Variants in CIRSR observed in about 807,000 individuals in gnomAD.
CIRSR encodes the protein corepressor of RBPJ and splicing regulator.
chr2:174,371,120 C>T, the CIRSR span, among the ~76,000 whole-genome samples: 1 of 152,022 alleles, frequency 6.6e-6, no homozygotes, highest in Non-Finnish European at 1.5e-5. Flanking sequence ...AGGTGGTTGC[C>T]TGAGGCTGGG....
At chr2:174,394,116 A>T in the CIRSR span, among the ~76,000 whole-genome samples, 1 of 152,220 alleles carries the variant, frequency 6.6e-6, no homozygotes, top group African/African-American at 2.4e-5. Flanking sequence ...AATTTCTCAT[A>T]GCGGACTTGC....
chr2:174,369,986 C>A, the CIRSR span: 2 of 1,365,190 alleles, frequency 1.5e-6, no homozygotes, highest in Non-Finnish European at 9.8e-7. Context: ...CACAGGCTTA[C>A]CAGAAACCTT....
the CIRSR span, among the ~76,000 whole-genome samples, chr2:174,379,288 A>G: frequency 6.6e-6 from 1 of 152,242 alleles, no homozygotes. Flanking sequence ...TGTCATCCAA[A>G]AAGAAATGGT....
chr2:174,380,464 A>T, the CIRSR span, among the ~76,000 whole-genome samples: 1 of 152,196 alleles, frequency 6.6e-6, no homozygotes, highest in South Asian at 2.1e-4. Flanking sequence ...AAAAAATGAA[A>T]AAGTATATAA....
chr2:174,380,703 C>T, the CIRSR span: 10 of 1,612,384 alleles, frequency 6.2e-6, no homozygotes, highest in Non-Finnish European at 8.5e-6. Flanking sequence ...GTCTCTCCTT[C>T]TGTTTCTTCT....
chr2:174,348,874 G>A, the CIRSR span: 1 of 1,614,190 alleles, frequency 6.2e-7, no homozygotes. Context: ...CGGTTATGGT[G>A]ACTGCTAGAA....
the CIRSR span, chr2:174,350,846 AC>A: frequency 1.2e-6 from 1 of 808,426 alleles, no homozygotes; most frequent in East Asian, 2.8e-5. Context: ...TCAGGGACAC[AC>A]TGTAGATGAA....
the CIRSR span, among the ~76,000 whole-genome samples, chr2:174,379,913 C>T: frequency 8.6e-5 from 13 of 151,878 alleles, no homozygotes; most frequent in African/African-American, 3.1e-4. Flanking sequence ...TTAGTAGAGA[C>T]AGGGTTTCAC....
chr2:174,395,642 A>G, the CIRSR span: 4 of 1,614,184 alleles, frequency 2.5e-6, no homozygotes, highest in Non-Finnish European at 3.4e-6. Context: ...GGAACTAGGG[A>G]AAGCAGGGGC....
At chr2:174,369,655 GTTA>G in the CIRSR span, among the ~76,000 whole-genome samples, 9 of 152,162 alleles carry the variant, frequency 5.9e-5, no homozygotes, top group African/African-American at 2.2e-4. Context: ...CCACTGTATG[GTTA>G]TTAATTGCCT....
At chr2:174,378,849 A>G in the CIRSR span, 2 of 1,107,248 alleles carry the variant, frequency 1.8e-6, no homozygotes, top group Non-Finnish European at 2.8e-6. Context: ...CAATACCCAG[A>G]AAGAGTAAAG....
At chr2:174,362,155 A>C in the CIRSR span, among the ~76,000 whole-genome samples, 1,397 of 152,124 alleles carry the variant, frequency 9.2e-3, 26 homozygotes, top group African/African-American at 0.031. Flanking sequence ...AAAAATTGAA[A>C]ATGAGCCAGG....
the CIRSR span, chr2:174,380,889 T>A: frequency 8.8e-7 from 1 of 1,142,520 alleles, no homozygotes; most frequent in Non-Finnish European, 1.2e-6. Context: ...ATCTACTGTA[T>A]ACACTATGAT....
the CIRSR span, among the ~76,000 whole-genome samples, chr2:174,395,107 C>G: frequency 1.3e-5 from 2 of 152,112 alleles, no homozygotes; most frequent in Non-Finnish European, 2.9e-5. Context: ...AAACACTAAA[C>G]TTCAACGAGT....
chr2:174,361,091 GATCAA>G, the CIRSR span, among the ~76,000 whole-genome samples: 1 of 151,268 alleles, frequency 6.6e-6, no homozygotes, highest in African/African-American at 2.5e-5. Flanking sequence ...GATCAACTAC[GATCAA>G]CTATATATTA....
the CIRSR span, among the ~76,000 whole-genome samples, chr2:174,352,595 T>G: frequency 6.6e-6 from 1 of 152,198 alleles, no homozygotes; most frequent in Non-Finnish European, 1.5e-5. Context: ...TAAATAATTT[T>G]TTTTTAAAGG....
chr2:174,351,778 TC>T, the CIRSR span: 1 of 1,435,144 alleles, frequency 7.0e-7, no homozygotes, highest in Non-Finnish European at 9.7e-7. Flanking sequence ...TCTACCTTTT[TC>T]GGACTCCACA....
the CIRSR span, among the ~76,000 whole-genome samples, chr2:174,375,343 C>G: frequency 6.6e-6 from 1 of 152,150 alleles, no homozygotes; most frequent in South Asian, 2.1e-4. Flanking sequence ...CACGGTATAT[C>G]ACACCTGTAA....
chr2:174,348,028 G>A, the CIRSR span: 5 of 155,860 alleles, frequency 3.2e-5, no homozygotes, highest in African/African-American at 1.2e-4. Context: ...GGGCTTAAAA[G>A]TCTTAAAGAT....
Sources: gnomAD v4.1 joint callset for allele counts (sites outside exome capture counted in the v4.1 genomes callset) on GRCh38, gnomAD v4.1.1 for gene constraint, MANE v1.5 for transcripts, NCBI Gene and HGNC (gene_info 2026-07-23, HGNC 2026-07-21) for gene names.